PIWIL2: variants seen among roughly 807,000 people sequenced by gnomAD.
PIWIL2 encodes the protein piwi like RNA-mediated gene silencing 2, also known as piwi-like protein 2.
A neutral mutation model predicts 116.5 loss-of-function variants in PIWIL2; 81 were observed. That is an observed-to-expected ratio of 0.70 (90% CI 0.58 to 0.84). PIWIL2 has a LOEUF of 0.84. Among genes scored for constraint, PIWIL2 ranks in the 40% least tolerant of loss-of-function variants. The pLI, the probability that PIWIL2 is intolerant of heterozygous loss-of-function variation, is 0.00. For missense variants in PIWIL2, 1,272 were observed against 1,212.3 expected (o/e 1.05, Z -0.73); for synonymous variants, 489 against 429.5 (o/e 1.14, Z -1.71).
chr8:22,286,044 AAG>A (rs1418921096), intron 6 of PIWIL2, among the ~76,000 whole-genome samples: 2 of 152,226 alleles, frequency 1.3e-5, no homozygotes, highest in Non-Finnish European at 2.9e-5. Context: ...AGTGGAGTGA[AAG>A]AGAGGAGAAA....
At chr8:22,328,105 G>A (rs1831769988) in intron 20 of PIWIL2, among the ~76,000 whole-genome samples, 2 of 151,736 alleles carry the variant, frequency 1.3e-5, no homozygotes, top group Non-Finnish European at 2.9e-5. Context: ...ATAAGTCACT[G>A]ATTTGAGTTA....
intron 14 of PIWIL2, among the ~76,000 whole-genome samples, chr8:22,308,977 T>C (rs942571852): frequency 2.0e-5 from 3 of 151,936 alleles, no homozygotes; most frequent in African/African-American, 7.3e-5. Context: ...TTCTGTTTTT[T>C]TAAGATGGGG....
Position 22,279,335 on chromosome 8 carries a change from T to A in PIWIL2, c.-46-6T>A. The A allele has an allele frequency of 7.5e-7, 1 of 1,327,556 alleles. No homozygotes were observed. The highest frequency in any genetic ancestry group is 1.1e-6 in the Non-Finnish European group (1 of 919,296). The allele number at this position is 1,327,556 out of a possible 1,614,324, so 82.2% of individuals were successfully genotyped here. On this transcript the variant is annotated splice_region_variant and splice_polypyrimidine_tract_variant and intron_variant, in intron 1 of 22. Coordinates refer to ENST00000356766, the MANE Select transcript of PIWIL2 (RefSeq NM_018068.5). ...GGGAATCTTAATCTTTTGAAAATGA[T>A]GGCAGGTAATTAACCAGAACAGGAT...
At chr8:22,353,921 G>A (rs987732620) in intron 21 of PIWIL2, among the ~76,000 whole-genome samples, 6 of 151,924 alleles carry the variant, frequency 3.9e-5, no homozygotes, top group East Asian at 3.9e-4. Context: ...GACAATAGGC[G>A]TATGCCACCA....
intron 22 of PIWIL2, among the ~76,000 whole-genome samples, chr8:22,354,773 C>T (rs549206030): frequency 3.0e-4 from 45 of 152,168 alleles, no homozygotes; most frequent in East Asian, 1.9e-3. Context: ...GTGTTGTTTT[C>T]GTATAAAAAC....
chr8:22,329,691 T>C (rs775965671), intron 20 of PIWIL2, among the ~76,000 whole-genome samples: 9 of 152,334 alleles, frequency 5.9e-5, no homozygotes, highest in Middle Eastern at 3.4e-3. Flanking sequence ...ATTCAGACTG[T>C]AGCAATAGTA....
chr8:22,349,411 G>A lies in PIWIL2; in HGVS notation c.2404-3548G>A, dbSNP rs553053491. On this transcript the variant is annotated intron_variant, in intron 20 of 22. Coordinates refer to ENST00000356766, the MANE Select transcript of PIWIL2 (RefSeq NM_018068.5). ...GTCTCAACTTTTGTGTACAATATAT[G>A]TGTGTGTGTATATATATATATATAT... Among the ~76,000 whole-genome samples the A allele has an allele frequency of 1.3e-4, 16 of 123,944 alleles. No individual in the cohort carries two copies. In the South Asian group the frequency reaches 4.1e-3, roughly 32 times the overall value. The allele number at this position is 123,944 out of a possible 152,430, so 81.3% of individuals were successfully genotyped here. A position where few individuals can be genotyped will look rare whatever the true frequency, so the allele number is the denominator to read the frequency against.
intron 14 of PIWIL2, among the ~76,000 whole-genome samples, chr8:22,308,561 G>C (rs747292943): frequency 1.3e-4 from 20 of 152,142 alleles, no homozygotes; most frequent in Admixed American, 5.9e-4. Context: ...GCTGAGGTAG[G>C]AGAATCACTT....
At chr8:22,335,949 A>G (rs1271993013) in intron 20 of PIWIL2, among the ~76,000 whole-genome samples, 1 of 152,244 alleles carries the variant, frequency 6.6e-6, no homozygotes, top group Non-Finnish European at 1.5e-5. Flanking sequence ...TGAGAAAGAC[A>G]TAACAATTAC....
At chr8:22,303,743 CT>C (rs918758505) in intron 10 of PIWIL2, among the ~76,000 whole-genome samples, 6 of 151,840 alleles carry the variant, frequency 4.0e-5, no homozygotes, top group South Asian at 2.1e-4. Context: ...AAGCTTTTTC[CT>C]TTTTTTTCCC....
At chr8:22,290,966 GTA>G (rs1187699809) in intron 10 of PIWIL2, among the ~76,000 whole-genome samples, 1 of 148,478 alleles carries the variant, frequency 6.7e-6, no homozygotes, top group African/African-American at 2.4e-5. Context: ...ATACAGATGT[GTA>G]TATATATTTT....
At chr8:22,281,564 C>T (rs1351025568) in intron 4 of PIWIL2, 49 bp downstream of exon 4, 2 of 1,458,332 alleles carry the variant, frequency 1.4e-6, no homozygotes, top group Non-Finnish European at 1.8e-6. Flanking sequence ...GATGGAATAT[C>T]TCTGTAAGTT....
chr8:22,333,610 C>G (rs536506697), intron 20 of PIWIL2, among the ~76,000 whole-genome samples: 1 of 151,928 alleles, frequency 6.6e-6, no homozygotes, highest in South Asian at 2.1e-4. Context: ...GAGACTCTGT[C>G]TCAAAAAACA....
At chr8:22,320,022 G>A (rs866352888) in intron 20 of PIWIL2, among the ~76,000 whole-genome samples, 1 of 152,126 alleles carries the variant, frequency 6.6e-6, no homozygotes, top group African/African-American at 2.4e-5. Context: ...GAGTGCAGTG[G>A]CACAATCTCG....
At chr8:22,331,816 C>G (rs1048541345) in intron 20 of PIWIL2, among the ~76,000 whole-genome samples, 4 of 152,010 alleles carry the variant, frequency 2.6e-5, no homozygotes, top group African/African-American at 9.7e-5. Flanking sequence ...GGACATCAGT[C>G]ATATTGGATT....
chr8:22,299,456 C>T (rs990340625), intron 10 of PIWIL2, among the ~76,000 whole-genome samples: 2 of 152,142 alleles, frequency 1.3e-5, no homozygotes, highest in African/African-American at 2.4e-5. Context: ...GATCCACGCA[C>T]CTCGGCTTCC....
At chr8:22,279,696 T>C (rs770987053) in intron 2 of PIWIL2, 112 bp downstream of exon 2, 19 of 984,726 alleles carry the variant, frequency 1.9e-5, no homozygotes, top group Non-Finnish European at 2.9e-5. Flanking sequence ...CTCACGCCTG[T>C]AATCCCAGCA....
chr8:22,294,691 G>GATGGTCA (rs1309135569), intron 10 of PIWIL2, among the ~76,000 whole-genome samples: 1 of 146,172 alleles, frequency 6.8e-6, no homozygotes, highest in Non-Finnish European at 1.5e-5. Context: ...TTGGCATTTT[G>GATGGTCA]ATGGTCATTG....
At chr8:22,276,158 T>G (rs983636381) in intron 1 of PIWIL2, 3 of 152,308 alleles carry the variant, frequency 2.0e-5, no homozygotes, top group African/African-American at 7.2e-5. Flanking sequence ...GGGAGTCATA[T>G]CCTGCGTTTA....
Sources: allele counts gnomAD v4.1 joint callset (sites outside exome capture counted in the v4.1 genomes callset), GRCh38; gene constraint gnomAD v4.1.1; transcripts MANE v1.5; gene names NCBI Gene and HGNC (gene_info 2026-07-23, HGNC 2026-07-21).